SUCLG1: variants seen among roughly 807,000 people sequenced by gnomAD.
SUCLG1 encodes the protein succinate-CoA ligase GDP/ADP-forming subunit alpha, also known as succinate--CoA ligase [ADP/GDP-forming] subunit alpha, mitochondrial.
In SUCLG1, 26 loss-of-function variants were observed where a neutral mutation model predicts 37.3. That is an observed-to-expected ratio of 0.70 (90% CI 0.51 to 0.97). SUCLG1 has a LOEUF of 0.97. SUCLG1 is among the 50% of genes least tolerant of loss of function. The pLI is 0.00. For synonymous variants in SUCLG1, 163 were observed against 155.6 expected (o/e 1.05, Z -0.36); for missense variants, 433 against 432.9 (o/e 1.00, Z 0.00).
intron 7 of SUCLG1, among the ~76,000 whole-genome samples, chr2:84,430,809 C>T (rs1325144742): frequency 1.3e-5 from 2 of 152,126 alleles, no homozygotes; most frequent in Admixed American, 1.3e-4. Flanking sequence ...TCTGACACAA[C>T]AATGGCCACA....
intron 5 of SUCLG1, among the ~76,000 whole-genome samples, chr2:84,439,818 C>T (rs977644365): frequency 4.6e-5 from 7 of 152,296 alleles, no homozygotes; most frequent in African/African-American, 1.7e-4. Flanking sequence ...TGGCTATTTC[C>T]TCAAGGAACT....
rs1350989726 is a variant in SUCLG1 at position 84,443,274 on chromosome 2, C to T, written c.318+10G>A. 6.2e-7 allele frequency: 1 copy of T among 1,606,052 alleles called. No homozygotes were observed. On this transcript the variant is annotated intron_variant, in intron 3 of 8. Transcript: ENST00000393868. ...TTCTTGTCTTGCCAAACTCAGGTAC[C>T]ACTAATTACCTCCTTCACAGTATTA...
chr2:84,432,922 C>T (rs1005463223), intron 6 of SUCLG1: 2 of 229,376 alleles, frequency 8.7e-6, no homozygotes, highest in East Asian at 2.4e-4. Context: ...ACCAATAAGG[C>T]TCTAACAGTA....
chr2:84,451,041 T>C (rs1369073255), intron 1 of SUCLG1, among the ~76,000 whole-genome samples: 1 of 152,156 alleles, frequency 6.6e-6, no homozygotes, highest in Non-Finnish European at 1.5e-5. Flanking sequence ...TCTAGGCCAG[T>C]GGACACAGCA....
intron 7 of SUCLG1, 72 bp from the exon 8 acceptor site, chr2:84,425,675 C>T: frequency 6.4e-7 from 1 of 1,551,676 alleles, no homozygotes; most frequent in Non-Finnish European, 8.9e-7. Flanking sequence ...ATTCATGACT[C>T]TGCTGGTAAA....
chr2:84,447,251 A>C (rs1003760663), intron 2 of SUCLG1, among the ~76,000 whole-genome samples: 1 of 152,218 alleles, frequency 6.6e-6, no homozygotes, highest in Non-Finnish European at 1.5e-5. Flanking sequence ...TTATCTCTAA[A>C]ATGAATCTGA....
chr2:84,427,522 G>A (rs959050437), intron 7 of SUCLG1, among the ~76,000 whole-genome samples: 5 of 152,194 alleles, frequency 3.3e-5, no homozygotes, highest in African/African-American at 1.2e-4. Flanking sequence ...CAACAAATCA[G>A]TTATCAGTAT....
At position 84,443,337 on chromosome 2, in the gene SUCLG1, C is replaced by T; in HGVS notation, c.265G>A (p.Gly89Arg). 3 of 1,614,206 alleles carry T rather than the reference C, an allele frequency of 1.9e-6. No individual in the cohort carries two copies. The highest frequency in any genetic ancestry group is 2.5e-6 in the Non-Finnish European group (3 of 1,180,016). Residue 89 changes from glycine to arginine, a missense_variant, in exon 3 of 9, where the codon GGG (glycine) becomes AGG (arginine). Physicochemically the swap from Gly to Arg is moderately radical, Grantham distance 125. Transcript: ENST00000393868. ...GTKLVGGTTP[G>R]KGGQTHLGLP... ...CCCAGATGTGTCTGGCCTCCTTTCCCTGGAGTGGTTCCTCCAACGAGTTTG... is the reference window on the plus strand; with the variant it reads ...CCCAGATGTGTCTGGCCTCCTTTCCTTGGAGTGGTTCCTCCAACGAGTTTG...
At chr2:84,433,470 G>A (rs868671843) in intron 5 of SUCLG1, 35 bp from the exon 6 acceptor site, 2 of 1,575,114 alleles carry the variant, frequency 1.3e-6, no homozygotes, top group East Asian at 4.5e-5. Flanking sequence ...ATTAGATTGT[G>A]TTTCTATGTT....
Position 84,436,051 on chromosome 2 carries a change from C to G in SUCLG1, c.590-2616G>C, listed in dbSNP as rs1672683618. Among the ~76,000 whole-genome samples the G allele has an allele frequency of 1.3e-5, 2 of 152,156 alleles. 1 individual carries two copies. Among genetic ancestry groups the G allele is most frequent in the South Asian group, 4.2e-4 (2 of 4,814 alleles). On this transcript the variant is annotated intron_variant, in intron 5 of 8. Coordinates refer to ENST00000393868, the MANE Select transcript of SUCLG1 (RefSeq NM_003849.4). ...CAGTTCTTGCAGTACAATTCCAGTA[C>G]CTTCCGGTAACAAGAGGGCTCATTT...
At position 84,434,627 on chromosome 2, in the gene SUCLG1, C is replaced by T. The variant is rs904930229; in HGVS notation, c.590-1192G>A. Among the ~76,000 whole-genome samples the T allele has an allele frequency of 3.3e-5, 5 of 152,282 alleles. No individual in the cohort carries two copies. In the East Asian group the frequency reaches 7.7e-4, roughly 24 times the overall value. On this transcript the variant is annotated intron_variant, in intron 5 of 8. Coordinates refer to ENST00000393868, the MANE Select transcript of SUCLG1 (RefSeq NM_003849.4). Reference sequence around the variant, plus strand: ...TCCAGGGTGTCCATGGTTTACTTTCCTTAAACTCCTGCCTTGGAGCAACTC... The same window carrying T: ...TCCAGGGTGTCCATGGTTTACTTTCTTTAAACTCCTGCCTTGGAGCAACTC...
rs1292692198 is a variant in SUCLG1, at chr2:84,425,442, A to G, written c.987T>C (p.Pro329=). 6.2e-7 allele frequency: 1 copy of G among 1,614,074 alleles called. No individual in the cohort carries two copies. Among genetic ancestry groups the G allele is most frequent in the East Asian group, 2.2e-5 (1 of 44,888 alleles). ...TGTAGATCGTGGTTCCCAGCTGTGC[A>G]GGAGACATACTGACCACAACTCCTG... ...QSAGVVVSMS[P]AQLGTTIYKE... The change falls in exon 8 of 9, where the codon CCT becomes CCC. Residue 329 remains proline (P), a synonymous_variant. Coordinates refer to ENST00000393868, the MANE Select transcript of SUCLG1 (RefSeq NM_003849.4).
At chr2:84,441,902 G>C (rs1342930461) in intron 3 of SUCLG1, among the ~76,000 whole-genome samples, 1 of 152,100 alleles carries the variant, frequency 6.6e-6, no homozygotes, top group Non-Finnish European at 1.5e-5. Context: ...GTACTTTAAT[G>C]AAAAGTACCT....
intron 5 of SUCLG1, chr2:84,433,868 G>C (rs561998630): frequency 9.8e-6 from 2 of 203,710 alleles, no homozygotes; most frequent in East Asian, 1.3e-4. Context: ...GTGATGCCCA[G>C]TGTTGGAGGT....
chr2:84,425,051 C>A (rs547828075), intron 8 of SUCLG1, among the ~76,000 whole-genome samples: 2 of 152,152 alleles, frequency 1.3e-5, no homozygotes, highest in Non-Finnish European at 2.9e-5. Context: ...TGGCTATATC[C>A]CAAAGGAAAA....
intron 1 of SUCLG1, among the ~76,000 whole-genome samples, chr2:84,457,308 C>T (rs1673037834): frequency 6.6e-6 from 1 of 152,118 alleles, no homozygotes; most frequent in Non-Finnish European, 1.5e-5. Context: ...ACACATTAAG[C>T]ATTGTTGTCT....
intron 1 of SUCLG1, among the ~76,000 whole-genome samples, chr2:84,453,849 C>G (rs555849668): frequency 1.5e-4 from 23 of 152,362 alleles, no homozygotes; most frequent in Admixed American, 1.2e-3. Flanking sequence ...TAGAAATTGT[C>G]CAGCTTAACC....
chr2:84,457,302 A>T (rs1349201849), intron 1 of SUCLG1, among the ~76,000 whole-genome samples: 5 of 152,220 alleles, frequency 3.3e-5, no homozygotes, highest in African/African-American at 1.2e-4. Flanking sequence ...GTGTTTACAC[A>T]TTAAGCATTG....
At chr2:84,435,375 G>A (rs1199756130) in intron 5 of SUCLG1, among the ~76,000 whole-genome samples, 1 of 152,198 alleles carries the variant, frequency 6.6e-6, no homozygotes, top group African/African-American at 2.4e-5. Flanking sequence ...GAAATAAGCA[G>A]AAGTTATATC....
Sources: allele counts gnomAD v4.1 joint callset (sites outside exome capture counted in the v4.1 genomes callset), GRCh38; gene constraint gnomAD v4.1.1; transcripts MANE v1.5; gene names NCBI Gene and HGNC (gene_info 2026-07-23, HGNC 2026-07-21).